Variants in BABAM2 observed in about 807,000 individuals in gnomAD.
BABAM2 encodes BRISC and BRCA1-A complex member 2.
Under a neutral mutation model 54.7 loss-of-function variants are expected in BABAM2, and 31 were observed. The observed-to-expected ratio is 0.57, with a 90% CI of 0.43 to 0.77. The LOEUF (loss-of-function observed/expected upper bound fraction) is 0.77. BABAM2 is among the 30% of genes least tolerant of loss of function. The pLI is 0.00. For missense variants in BABAM2, 364 were observed against 455.8 expected (o/e 0.80, Z 1.83); for synonymous variants, 167 against 162.9 (o/e 1.03, Z -0.19).
At chr2:28,217,179 A>G (rs1346064014) in intron 7 of BABAM2, among the ~76,000 whole-genome samples, 1 of 152,138 alleles carries the variant, frequency 6.6e-6, no homozygotes, top group Non-Finnish European at 1.5e-5. Flanking sequence ...AGAGTAGGAT[A>G]TGGCAGTGTC....
chr2:28,318,735 C>A (rs953252599), intron 11 of BABAM2, among the ~76,000 whole-genome samples: 1 of 152,180 alleles, frequency 6.6e-6, no homozygotes, highest in Non-Finnish European at 1.5e-5. Flanking sequence ...CTCTGGTATG[C>A]ATGGTGTCCC....
At chr2:28,073,185 C>A (rs997449792) in intron 6 of BABAM2, among the ~76,000 whole-genome samples, 2 of 152,104 alleles carry the variant, frequency 1.3e-5, no homozygotes, top group Admixed American at 1.3e-4. Flanking sequence ...TAACTATTGT[C>A]CTTTTTTCTT....
At chr2:28,103,555 C>T (rs574857533) in intron 6 of BABAM2, among the ~76,000 whole-genome samples, 2 of 152,254 alleles carry the variant, frequency 1.3e-5, no homozygotes, top group South Asian at 4.1e-4. Flanking sequence ...TCCATCCTCC[C>T]ATCTCAGCCT....
chr2:28,015,825 G>C, intron 4 of BABAM2: 1 of 912,310 alleles, frequency 1.1e-6, no homozygotes, highest in Non-Finnish European at 1.6e-6. Flanking sequence ...TTTCTGTTTT[G>C]TTTTTTTCTG....
chr2:28,199,169 A>G (rs182979148), intron 7 of BABAM2, among the ~76,000 whole-genome samples: 2 of 152,310 alleles, frequency 1.3e-5, no homozygotes, highest in East Asian at 1.9e-4. Flanking sequence ...CAAACAATTG[A>G]TTTTAGAAGT....
At chr2:28,098,014 TG>T (rs987128012) in intron 6 of BABAM2, among the ~76,000 whole-genome samples, 8 of 152,260 alleles carry the variant, frequency 5.3e-5, no homozygotes, top group African/African-American at 1.9e-4. Flanking sequence ...TTTCGTAGTT[TG>T]AAACCACTAT....
chr2:28,105,650 G>A (rs561262971), intron 6 of BABAM2, among the ~76,000 whole-genome samples: 232 of 152,236 alleles, frequency 1.5e-3, no homozygotes, highest in African/African-American at 5.4e-3. Flanking sequence ...TGTATGTTAA[G>A]GTACGATGCA....
At chr2:28,183,989 C>A (rs758237521) in intron 7 of BABAM2, among the ~76,000 whole-genome samples, 6 of 152,138 alleles carry the variant, frequency 3.9e-5, no homozygotes, top group Non-Finnish European at 7.4e-5. Flanking sequence ...TGCTTGTATT[C>A]ACACAAAACT....
intron 6 of BABAM2, among the ~76,000 whole-genome samples, chr2:28,112,021 C>G (rs928700008): frequency 2.0e-5 from 3 of 152,074 alleles, no homozygotes; most frequent in Non-Finnish European, 1.5e-5. Flanking sequence ...AAGCCAGAGC[C>G]TCTTTCCTCA....
intron 3 of BABAM2, among the ~76,000 whole-genome samples, chr2:27,962,010 G>A (rs937238713): frequency 7.2e-5 from 11 of 152,032 alleles, no homozygotes; most frequent in African/African-American, 2.4e-4. Context: ...GATTACAGGC[G>A]TGTGCTACCA....
chr2:28,173,838 T>C (rs1674629877), intron 7 of BABAM2, among the ~76,000 whole-genome samples: 1 of 152,176 alleles, frequency 6.6e-6, no homozygotes, highest in African/African-American at 2.4e-5. Flanking sequence ...CTTAAAGCAT[T>C]CAATAGTACA....
intron 7 of BABAM2, among the ~76,000 whole-genome samples, chr2:28,212,718 A>G (rs1243168693): frequency 6.6e-6 from 1 of 152,116 alleles, no homozygotes; most frequent in Non-Finnish European, 1.5e-5. Context: ...TAGTAGTTCA[A>G]TTTTTAATGT....
At chr2:28,178,115 T>C (rs1226844432) in intron 7 of BABAM2, among the ~76,000 whole-genome samples, 1 of 152,032 alleles carries the variant, frequency 6.6e-6, no homozygotes, top group Non-Finnish European at 1.5e-5. Flanking sequence ...CAAAGAAATA[T>C]TGAATTTAAA....
chr2:28,277,245 A>G (rs1040351776), intron 10 of BABAM2, among the ~76,000 whole-genome samples: 1 of 152,118 alleles, frequency 6.6e-6, no homozygotes, highest in Non-Finnish European at 1.5e-5. Context: ...AGCTGGGACT[A>G]CAGGTGCCCG....
chr2:27,956,442 A>G (rs1402840065), intron 3 of BABAM2, among the ~76,000 whole-genome samples: 1 of 152,232 alleles, frequency 6.6e-6, no homozygotes, highest in Non-Finnish European at 1.5e-5. Context: ...CTATCAAACC[A>G]AATCTTTAGT....
intron 7 of BABAM2, among the ~76,000 whole-genome samples, chr2:28,171,198 T>C (rs1473789378): frequency 6.6e-6 from 1 of 152,156 alleles, no homozygotes; most frequent in Admixed American, 6.5e-5. Context: ...TTAATCATCC[T>C]TACTGATGGA....
intron 10 of BABAM2, among the ~76,000 whole-genome samples, chr2:28,252,020 T>A (rs1254250988): frequency 6.6e-6 from 1 of 152,054 alleles, no homozygotes. Flanking sequence ...AAACCCTGTC[T>A]CTACTAAAAA....
At chr2:28,149,307 C>T (rs1159399961) in intron 7 of BABAM2, among the ~76,000 whole-genome samples, 1 of 152,164 alleles carries the variant, frequency 6.6e-6, no homozygotes, top group Non-Finnish European at 1.5e-5. Flanking sequence ...TCCTTGGAAC[C>T]TTCACCTGGT....
chr2:28,266,081 T>C (rs1684962732), intron 10 of BABAM2, among the ~76,000 whole-genome samples: 1 of 152,112 alleles, frequency 6.6e-6, no homozygotes, highest in African/African-American at 2.4e-5. Flanking sequence ...ACCTCCTGGA[T>C]TCAAGTGATT....
Sources: gnomAD v4.1 joint callset for allele counts (sites outside exome capture counted in the v4.1 genomes callset) on GRCh38, gnomAD v4.1.1 for gene constraint, MANE v1.5 for transcripts, NCBI Gene and HGNC (gene_info 2026-07-23, HGNC 2026-07-21) for gene names.